COL22A1: variants seen among roughly 807,000 people sequenced by gnomAD.
COL22A1 encodes collagen type XXII alpha 1 chain.
In COL22A1, 221 loss-of-function variants were observed where a neutral mutation model predicts 248.9. The ratio of observed to expected loss-of-function variants is 0.89; its 90% CI spans 0.80 to 0.99. The LOEUF is 0.99. Among genes scored for constraint, COL22A1 ranks in the 50% least tolerant of loss-of-function variants. The pLI is 0.00. For missense variants in COL22A1, 2,240 were observed against 2,179.0 expected, an observed-to-expected ratio of 1.03 and a Z score of -0.56; for synonymous variants, 891 against 793.4, an observed-to-expected ratio of 1.12 and a Z score of -2.07.
At chr8:138,729,123 T>C (rs1830528467) in intron 23 of COL22A1, among the ~76,000 whole-genome samples, 1 of 152,164 alleles carries the variant, frequency 6.6e-6, no homozygotes, top group Non-Finnish European at 1.5e-5. Context: ...GAGGCTGGGC[T>C]TTTTCATTAA....
chr8:138,646,937 C>T (rs1461756915), intron 46 of COL22A1, among the ~76,000 whole-genome samples: 1 of 152,168 alleles, frequency 6.6e-6, no homozygotes, highest in Non-Finnish European at 1.5e-5. Flanking sequence ...CCTGATGGCC[C>T]CTGCCTCCCA....
chr8:138,670,612 AC>A lies in COL22A1; in HGVS notation c.3150+5945del, dbSNP rs545161412. ...ATAAGACATGAATTAAAGAAAAAAA[AC>A]CACACAGGCTGGACATGGAAGTCAA... On this transcript the variant is annotated intron_variant, in intron 41 of 64. Transcript: ENST00000303045. Among the ~76,000 whole-genome samples, 263 of 152,120 alleles carry A rather than the reference AC, an allele frequency of 1.7e-3. 1 individual carries two copies. The highest frequency in any genetic ancestry group is 6.8e-3 in the Middle Eastern group (2 of 294).
chr8:138,910,898 G>A (rs1164613638), intron 1 of COL22A1, among the ~76,000 whole-genome samples: 1 of 152,104 alleles, frequency 6.6e-6, no homozygotes, highest in Non-Finnish European at 1.5e-5. Context: ...CCATGGTCCT[G>A]GCCCATAGTA....
intron 62 of COL22A1, among the ~76,000 whole-genome samples, chr8:138,596,079 G>A (rs189177314): frequency 2.6e-5 from 4 of 152,286 alleles, no homozygotes; most frequent in African/African-American, 9.6e-5. Flanking sequence ...AATTACATGA[G>A]CCTCATGAGA....
chr8:138,804,160 C>T (rs1464927260), intron 10 of COL22A1, among the ~76,000 whole-genome samples: 6 of 152,178 alleles, frequency 3.9e-5, no homozygotes. Flanking sequence ...TATATTCCCA[C>T]ATCACAACTG....
chr8:138,866,785 T>C (rs906007398), intron 3 of COL22A1, among the ~76,000 whole-genome samples: 1 of 150,750 alleles, frequency 6.6e-6, no homozygotes, highest in African/African-American at 2.4e-5. Context: ...GGTGTAATGG[T>C]TTTTTAAGAA....
intron 49 of COL22A1, among the ~76,000 whole-genome samples, chr8:138,634,597 G>A (rs1042793944): frequency 6.6e-6 from 1 of 152,112 alleles, no homozygotes; most frequent in Non-Finnish European, 1.5e-5. Context: ...TGCTCAGGGG[G>A]CCCAGTGGAG....
intron 21 of COL22A1, 36 bp from the exon 22 acceptor site, chr8:138,751,547 C>T: frequency 6.7e-7 from 1 of 1,498,754 alleles, no homozygotes; most frequent in Non-Finnish European, 9.2e-7. Flanking sequence ...GAGAGAGAAA[C>T]ATAATGGTAA....
intron 63 of COL22A1, 108 bp from the exon 64 acceptor site, chr8:138,591,609 T>C (rs965074682): frequency 1.3e-6 from 1 of 767,002 alleles, no homozygotes; most frequent in African/African-American, 1.8e-5. Context: ...TGCTGTGGCA[T>C]TCCAGTCTAA....
At chr8:138,696,102 A>G (rs1180646273) in intron 32 of COL22A1, among the ~76,000 whole-genome samples, 2 of 152,212 alleles carry the variant, frequency 1.3e-5, no homozygotes, top group Admixed American at 1.3e-4. Context: ...AATGGTACAG[A>G]GAAGGTGCAG....
chr8:138,780,488 C>G (rs1814865443), intron 13 of COL22A1, among the ~76,000 whole-genome samples: 1 of 152,140 alleles, frequency 6.6e-6, no homozygotes, highest in African/African-American at 2.4e-5. Flanking sequence ...AGCTCAGAGG[C>G]AGGTGAGATG....
At chr8:138,874,163 G>A (rs1400743627) in intron 3 of COL22A1, among the ~76,000 whole-genome samples, 2 of 152,230 alleles carry the variant, frequency 1.3e-5, no homozygotes, top group Non-Finnish European at 2.9e-5. Context: ...TTTGTAGCCA[G>A]AATAGACCAG....
At chr8:138,687,771 T>C (rs1478760952) in intron 37 of COL22A1, among the ~76,000 whole-genome samples, 1 of 152,212 alleles carries the variant, frequency 6.6e-6, no homozygotes, top group Non-Finnish European at 1.5e-5. Flanking sequence ...GTGCTTTATT[T>C]AGATCAGGGT....
At chr8:138,789,986 C>T (rs1313397726) in intron 12 of COL22A1, among the ~76,000 whole-genome samples, 1 of 152,208 alleles carries the variant, frequency 6.6e-6, no homozygotes, top group East Asian at 1.9e-4. Context: ...CTAAAACATG[C>T]TCATCTTATG....
chr8:138,654,334 C>T (rs1823020576), intron 45 of COL22A1, among the ~76,000 whole-genome samples: 1 of 152,160 alleles, frequency 6.6e-6, no homozygotes, highest in African/African-American at 2.4e-5. Context: ...AAAATAACTA[C>T]CGCACTTGTC....
In COL22A1 at chr8:138,780,976, G is replaced by A. The variant is rs778667471; in HGVS notation, c.1601C>T (p.Ser534Phe). 6.2e-7 allele frequency: 1 copy of A among 1,600,148 alleles called. No individual in the cohort carries two copies. Among genetic ancestry groups the A allele is most frequent in the Non-Finnish European group, 8.5e-7 (1 of 1,175,050 alleles). ...FGQGEKGEKG[S>F]LGLPGPPGRD... ...CCCAGGGGGGCCGGGCAGGCCCAGGGAACCCTAAAGCCAAAAAAAGAGAAT... is the reference window on the plus strand; with the variant it reads ...CCCAGGGGGGCCGGGCAGGCCCAGGAAACCCTAAAGCCAAAAAAAGAGAAT... Residue 534 changes from serine (S) to phenylalanine (F), a missense_variant, in exon 13 of 65, where the codon TCC (serine) becomes TTC (phenylalanine). Physicochemically the swap from Ser to Phe is radical, Grantham distance 155. Transcript: ENST00000303045.
intron 11 of COL22A1, among the ~76,000 whole-genome samples, chr8:138,800,226 C>T (rs920863556): frequency 4.6e-5 from 7 of 152,114 alleles, no homozygotes; most frequent in Non-Finnish European, 8.8e-5. Context: ...TATGACTGAG[C>T]TTGGAAAGGG....
chr8:138,905,417 G>A (rs1390160918), intron 1 of COL22A1, among the ~76,000 whole-genome samples: 1 of 152,174 alleles, frequency 6.6e-6, no homozygotes, highest in Admixed American at 6.5e-5. Context: ...TTAGCTGAAG[G>A]AAAGGCCAGT....
intron 11 of COL22A1, among the ~76,000 whole-genome samples, chr8:138,802,389 T>C (rs1817072199): frequency 6.6e-6 from 1 of 151,762 alleles, no homozygotes; most frequent in Non-Finnish European, 1.5e-5. Flanking sequence ...GATGCTGGGA[T>C]GGAGGAGGTG....
Sources: gnomAD v4.1 joint callset for allele counts (sites outside exome capture counted in the v4.1 genomes callset) on GRCh38, gnomAD v4.1.1 for gene constraint, MANE v1.5 for transcripts, NCBI Gene and HGNC (gene_info 2026-07-23, HGNC 2026-07-21) for gene names.